Variants in PLPPR1 observed in about 807,000 individuals in gnomAD.
PLPPR1 encodes the protein phospholipid phosphatase related 1, also known as phospholipid phosphatase-related protein type 1.
Under a neutral mutation model 33.1 loss-of-function variants are expected in PLPPR1, and 10 were observed. That is an observed-to-expected ratio of 0.30 (90% CI 0.19 to 0.51). The LOEUF (loss-of-function observed/expected upper bound fraction) is 0.51, where lower values mean the gene tolerates loss of function less well. Among genes scored for constraint, PLPPR1 ranks in the 20% least tolerant of loss-of-function variants. The pLI, the probability that PLPPR1 is intolerant of heterozygous loss-of-function variation, is 0.97. For synonymous variants in PLPPR1, 151 were observed against 151.0 expected (o/e 1.00, Z 0.00); for missense variants, 304 against 408.1 (o/e 0.74, Z 2.20).
chr9:101,128,811 G>A (rs927311938), intron 1 of PLPPR1, among the ~76,000 whole-genome samples: 1 of 152,048 alleles, frequency 6.6e-6, no homozygotes, highest in African/African-American at 2.4e-5. Flanking sequence ...GGAATAGAGA[G>A]GTTAAAATGT....
chr9:101,196,787 C>T (rs534790570), intron 2 of PLPPR1, among the ~76,000 whole-genome samples: 32 of 152,046 alleles, frequency 2.1e-4, no homozygotes, highest in African/African-American at 7.7e-4. Flanking sequence ...ATGGCGTGAA[C>T]CCGGGAGGCA....
intron 1 of PLPPR1, among the ~76,000 whole-genome samples, chr9:101,108,047 C>G (rs1830999739): frequency 6.7e-6 from 1 of 149,530 alleles, no homozygotes; most frequent in Non-Finnish European, 1.5e-5. Context: ...CGCCCACTGT[C>G]TGGCACTCCC....
At chr9:101,189,623 T>G (rs2118725287) in intron 2 of PLPPR1, among the ~76,000 whole-genome samples, 1 of 152,242 alleles carries the variant, frequency 6.6e-6, no homozygotes, top group East Asian at 1.9e-4. Context: ...TTGTGTATCC[T>G]GAATATTAAG....
intron 1 of PLPPR1, among the ~76,000 whole-genome samples, chr9:101,134,975 C>G (rs1242014621): frequency 6.6e-6 from 1 of 152,070 alleles, no homozygotes; most frequent in African/African-American, 2.4e-5. Flanking sequence ...ACACCCTTCC[C>G]CATTTTGCAG....
chr9:101,055,608 G>C (rs1830270437), intron 1 of PLPPR1, among the ~76,000 whole-genome samples: 1 of 152,164 alleles, frequency 6.6e-6, no homozygotes. Flanking sequence ...CTGGCCCTTA[G>C]TATTCTGCTT....
chr9:101,050,506 TA>T (rs1303254001), intron 1 of PLPPR1, among the ~76,000 whole-genome samples: 1 of 152,162 alleles, frequency 6.6e-6, no homozygotes, highest in African/African-American at 2.4e-5. Flanking sequence ...CCCAAATGAG[TA>T]GGTGCTGGGT....
intron 2 of PLPPR1, among the ~76,000 whole-genome samples, chr9:101,235,753 T>G (rs1383122026): frequency 1.3e-5 from 2 of 151,772 alleles, no homozygotes; most frequent in African/African-American, 4.8e-5. Flanking sequence ...AACCTCTCAC[T>G]TACAGGCACA....
chr9:101,167,931 A>T (rs1212291725), intron 1 of PLPPR1, among the ~76,000 whole-genome samples: 2 of 152,190 alleles, frequency 1.3e-5, no homozygotes, highest in African/African-American at 4.8e-5. Flanking sequence ...CTCAAAATCA[A>T]AGGCAAAGGA....
intron 4 of PLPPR1, among the ~76,000 whole-genome samples, chr9:101,304,596 A>G (rs1828813316): frequency 6.6e-6 from 1 of 152,212 alleles, no homozygotes; most frequent in South Asian, 2.1e-4. Flanking sequence ...GATTTTTCCA[A>G]CATCCGATGT....
At chr9:101,309,704 C>A (rs1313776265) in intron 5 of PLPPR1, among the ~76,000 whole-genome samples, 1 of 152,154 alleles carries the variant, frequency 6.6e-6, no homozygotes, top group African/African-American at 2.4e-5. Flanking sequence ...TAATTACATC[C>A]TCCCATTTAC....
chr9:101,226,402 G>T (rs892413608), intron 2 of PLPPR1, among the ~76,000 whole-genome samples: 1 of 152,060 alleles, frequency 6.6e-6, no homozygotes, highest in Non-Finnish European at 1.5e-5. Context: ...TGTTCTTGTT[G>T]TCATAGGCTG....
chr9:101,070,295 A>G (rs922122797), intron 1 of PLPPR1, among the ~76,000 whole-genome samples: 3 of 152,046 alleles, frequency 2.0e-5, no homozygotes, highest in Non-Finnish European at 2.9e-5. Flanking sequence ...GTAGATGTTT[A>G]TTATATACTT....
intron 1 of PLPPR1, among the ~76,000 whole-genome samples, chr9:101,084,736 A>C (rs1830658200): frequency 6.6e-6 from 1 of 152,208 alleles, no homozygotes; most frequent in South Asian, 2.1e-4. Flanking sequence ...AAGCATAAAG[A>C]AAGGAAAATA....
At chr9:101,259,660 A>G (rs1827861739) in intron 2 of PLPPR1, among the ~76,000 whole-genome samples, 1 of 152,186 alleles carries the variant, frequency 6.6e-6, no homozygotes, top group Non-Finnish European at 1.5e-5. Context: ...TCCTGATGAC[A>G]TGTGCCCTAG....
intron 1 of PLPPR1, among the ~76,000 whole-genome samples, chr9:101,030,032 T>G (rs1396653309): frequency 6.6e-6 from 1 of 152,118 alleles, no homozygotes; most frequent in Non-Finnish European, 1.5e-5. Context: ...GGAGAGATTC[T>G]GTGGTGTCTG....
chr9:101,129,020 C>T (rs1019518845), intron 1 of PLPPR1, among the ~76,000 whole-genome samples: 1 of 152,120 alleles, frequency 6.6e-6, no homozygotes, highest in Non-Finnish European at 1.5e-5. Flanking sequence ...TTATATCTCA[C>T]AGATCATAGA....
rs1430310022 is a variant in PLPPR1 at position 101,286,154 on chromosome 9, C to T, written c.303C>T (p.Ser101=). ...ATTTCATAAAATCAACAAGAGAATCCCTGATTGCTCAGGAGAAAACAATTC... is the reference window on the plus strand; with the variant it reads ...ATTTCATAAAATCAACAAGAGAATCTCTGATTGCTCAGGAGAAAACAATTC... ...SMYFIKSTRE[S]LIAQEKTILT... is the part of the protein sequence containing the mutation. Residue 101 remains serine (S), a synonymous_variant, in exon 4 of 8, where the codon TCC becomes TCT. Coordinates refer to ENST00000374874, the MANE Select transcript of PLPPR1 (RefSeq NM_207299.2). 2.2e-5 allele frequency: 35 copies of T among 1,612,466 alleles called. No individual in the cohort carries two copies. The highest frequency in any genetic ancestry group is 2.8e-5 in the Non-Finnish European group (33 of 1,178,728).
intron 1 of PLPPR1, among the ~76,000 whole-genome samples, chr9:101,157,917 T>C (rs969523981): frequency 2.0e-5 from 3 of 152,068 alleles, no homozygotes; most frequent in South Asian, 4.1e-4. Context: ...GGCACAAGAA[T>C]CACTTGAACC....
intron 4 of PLPPR1, among the ~76,000 whole-genome samples, chr9:101,300,360 GC>G (rs1184287430): frequency 2.6e-5 from 4 of 152,102 alleles, no homozygotes; most frequent in Non-Finnish European, 5.9e-5. Flanking sequence ...ATTATTATTT[GC>G]AGAGACAGGG....
Sources: gnomAD v4.1 joint callset for allele counts (sites outside exome capture counted in the v4.1 genomes callset) on GRCh38, gnomAD v4.1.1 for gene constraint, MANE v1.5 for transcripts, NCBI Gene and HGNC (gene_info 2026-07-23, HGNC 2026-07-21) for gene names.